The following KIRREL3 variants were observed in gnomAD, a reference collection of about 807,000 sequenced individuals.
The protein encoded by KIRREL3 is kirre like nephrin family adhesion molecule 3.
KIRREL3 carries 36 observed loss-of-function variants against 89.7 expected under a neutral mutation model. The ratio of observed to expected loss-of-function variants is 0.40; its 90% CI spans 0.31 to 0.53. The LOEUF is 0.53. KIRREL3 is among the 20% of genes least tolerant of loss of function. The probability of loss-of-function intolerance (pLI) is 0.49; values close to 1 mark genes in which losing one functional copy is unlikely to be tolerated. For synonymous variants in KIRREL3, 445 were observed against 441.4 expected, an observed-to-expected ratio of 1.01 and a Z score of -0.10; for missense variants, 864 against 1,056.6, an observed-to-expected ratio of 0.82 and a Z score of 2.53.
At chr11:126,833,448 C>G (rs1483483225) in intron 1 of KIRREL3, among the ~76,000 whole-genome samples, 1 of 152,226 alleles carries the variant, frequency 6.6e-6, no homozygotes, top group Admixed American at 6.5e-5. Flanking sequence ...ACCTGCACAC[C>G]TTTTGCTGTA....
chr11:126,558,517 T>C lies in KIRREL3; in HGVS notation c.133+4318A>G, dbSNP rs1939870238. Among the ~76,000 whole-genome samples the C allele has an allele frequency of 6.7e-6, 1 of 149,200 alleles. No individual in the cohort carries two copies. The highest frequency in any genetic ancestry group is 6.6e-5 in the Admixed American group (1 of 15,172). On this transcript the variant is annotated intron_variant, in intron 2 of 16. Transcript: ENST00000525144. The surrounding 1 kb of genome is among the most constrained non-coding windows in gnomAD (Gnocchi z 4.0). Reference sequence around the variant, plus strand: ...TGTCTGGAGCCCTGGGCTGTGGTCCTGGCTCTTCCAGCCACTTCATATGGG... The same window carrying C: ...TGTCTGGAGCCCTGGGCTGTGGTCCCGGCTCTTCCAGCCACTTCATATGGG...
intron 4 of KIRREL3, among the ~76,000 whole-genome samples, chr11:126,505,500 G>A (rs2134380173): frequency 6.6e-6 from 1 of 152,266 alleles, no homozygotes; most frequent in African/African-American, 2.4e-5. Flanking sequence ...GAACCCAGGA[G>A]GCAGAAGTTG....
intron 7 of KIRREL3, among the ~76,000 whole-genome samples, chr11:126,451,077 G>GCA (rs1956094696): frequency 6.7e-6 from 1 of 149,496 alleles, no homozygotes; most frequent in African/African-American, 2.5e-5. Context: ...GTGCATGTGT[G>GCA]TGCGTGTGTG....
chr11:126,646,799 C>T (rs1210133269), intron 1 of KIRREL3, among the ~76,000 whole-genome samples: 2 of 152,102 alleles, frequency 1.3e-5, no homozygotes, highest in East Asian at 1.9e-4. Context: ...TAATCATGAT[C>T]TATGCTGTCA....
At chr11:126,580,582 T>C (rs1469952862) in intron 1 of KIRREL3, among the ~76,000 whole-genome samples, 1 of 152,182 alleles carries the variant, frequency 6.6e-6, no homozygotes, top group Non-Finnish European at 1.5e-5. Context: ...TTTCTTCTCC[T>C]GTGATGGAGC....
intron 1 of KIRREL3, among the ~76,000 whole-genome samples, chr11:126,893,835 C>T (rs75455807): frequency 1.9e-3 from 295 of 152,310 alleles, no homozygotes; most frequent in African/African-American, 6.6e-3. Flanking sequence ...ATATTCTGGG[C>T]ATGCTTACTG....
Position 126,431,241 on chromosome 11 carries a change from C to G in KIRREL3, c.1696+178G>C. Reference sequence around the variant, plus strand: ...TCAGCCTAGCGCCCACTCTGCCAGGCGCCATGTTGCCCAGGCTCACATACA... The same window carrying G: ...TCAGCCTAGCGCCCACTCTGCCAGGGGCCATGTTGCCCAGGCTCACATACA... On this transcript the variant is annotated intron_variant, in intron 14 of 16. Transcript: ENST00000525144. This position sits in a 1 kb window ranked among gnomAD's most constrained non-coding sequence, Gnocchi z 7.1. 6.6e-7 allele frequency: 1 copy of G among 1,522,608 alleles called. No homozygotes were observed. Among genetic ancestry groups the G allele is most frequent in the Non-Finnish European group, 8.9e-7 (1 of 1,128,872 alleles). The allele number at this position is 1,522,608 out of a possible 1,614,324, so 94.3% of individuals were successfully genotyped here. A position where few individuals can be genotyped will look rare whatever the true frequency, so the allele number is the denominator to read the frequency against.
At chr11:126,449,293 G>A in intron 7 of KIRREL3, 136 bp from the exon 8 acceptor site, 2 of 944,464 alleles carry the variant, frequency 2.1e-6, no homozygotes, top group South Asian at 3.7e-5. Context: ...TCCGTCAAGG[G>A]GAATCTTCAC....
At position 126,431,601 on chromosome 11, in the gene KIRREL3, C is replaced by T; in HGVS notation, c.1589-75G>A. 1 of 1,414,852 alleles carries T rather than the reference C, an allele frequency of 7.1e-7. No homozygotes were observed. Among genetic ancestry groups the T allele is most frequent in the Non-Finnish European group, 9.7e-7 (1 of 1,028,636 alleles). 87.6% of individuals were successfully genotyped at this position (1,414,852 alleles called of 1,614,324 possible). ...TATCCCCCCATGATCTCACCCCGTT[C>T]CTGCGGGGGCAGCCCCTGCCACATG... is the stretch of plus-strand genomic sequence containing the variant. On this transcript the variant is annotated intron_variant, in intron 13 of 16. Coordinates refer to ENST00000525144, the MANE Select transcript of KIRREL3 (RefSeq NM_032531.4). This position sits in a 1 kb window ranked among gnomAD's most constrained non-coding sequence, Gnocchi z 7.1.
intron 1 of KIRREL3, among the ~76,000 whole-genome samples, chr11:126,633,027 G>T (rs1784002): frequency 0.19 from 28,298 of 151,896 alleles, 2,933 homozygotes; most frequent in South Asian, 0.44. Flanking sequence ...GGGAGGCAGA[G>T]GTTGCTCTAT....
At position 126,991,471 on chromosome 11, in the gene KIRREL3, T is replaced by TTTATTA. The variant is rs143676602; in HGVS notation, c.55+8978_55+8983dup. On this transcript the variant is annotated intron_variant, in intron 1 of 16. Coordinates refer to ENST00000525144, the MANE Select transcript of KIRREL3 (RefSeq NM_032531.4). This position sits in a 1 kb window ranked among gnomAD's most constrained non-coding sequence, Gnocchi z 5.8. Reference sequence around the variant, plus strand: ...AGTCCCTGCCTTTGCTTCCTTCCTTTTTATTATTATTATTATTATTATTTG... The same window carrying TTTATTA: ...AGTCCCTGCCTTTGCTTCCTTCCTTTTTATTATTATTATTATTATTATTATTATTTG... Among the ~76,000 whole-genome samples, 25 of 151,366 alleles carry TTTATTA rather than the reference T, an allele frequency of 1.7e-4. No homozygotes were observed. The highest frequency in any genetic ancestry group is 2.9e-4 in the Non-Finnish European group (20 of 67,846).
rs989939196 is a variant in KIRREL3, at chr11:126,462,021, C to T, written c.742+1136G>A. On this transcript the variant is annotated intron_variant, in intron 6 of 16. Transcript: ENST00000525144. This position sits in a 1 kb window ranked among gnomAD's most constrained non-coding sequence, Gnocchi z 4.8. ...CACTTTTGAGTCCTGACTCTTTAAACTGAACTAATCCAGTCTTGAGAGGAA... is the reference window on the plus strand; with the variant it reads ...CACTTTTGAGTCCTGACTCTTTAAATTGAACTAATCCAGTCTTGAGAGGAA... 6.6e-6 allele frequency among the ~76,000 whole-genome samples: 1 copy of T among 152,122 alleles called. No individual in the cohort carries two copies. The highest frequency in any genetic ancestry group is 2.4e-5 in the African/African-American group (1 of 41,416).
At position 126,651,276 on chromosome 11, in the gene KIRREL3, G is replaced by A. The variant is rs185727266; in HGVS notation, c.56-88364C>T. Among the ~76,000 whole-genome samples the A allele has an allele frequency of 1.3e-4, 20 of 152,318 alleles. No homozygotes were observed. In the East Asian group the frequency reaches 3.1e-3, roughly 24 times the overall value. ...ATTGGTGGGATGGTGCACAGTTTGC[G>A]TGTTTCACTGAGTCTTGATAATTAT... On this transcript the variant is annotated intron_variant, in intron 1 of 16. Coordinates refer to ENST00000525144, the MANE Select transcript of KIRREL3 (RefSeq NM_032531.4). The surrounding 1 kb of genome is among the most constrained non-coding windows in gnomAD (Gnocchi z 4.6).
chr11:126,425,761 TGGC>T, intron 15 of KIRREL3, 37 bp from the exon 16 acceptor site: 1 of 1,509,438 alleles, frequency 6.6e-7, no homozygotes, highest in Non-Finnish European at 9.1e-7. Flanking sequence ...AGATAGGAGG[TGGC>T]TAAACCTCCA....
rs113032634 is a variant in KIRREL3 at position 126,755,601 on chromosome 11, G to A, written c.56-192689C>T. On this transcript the variant is annotated intron_variant, in intron 1 of 16. Transcript: ENST00000525144. The surrounding 1 kb of genome is among the most constrained non-coding windows in gnomAD (Gnocchi z 4.3). ...AAAACAATAGGCCTACAATAGGAAAGGTCTGCGTGCTGACACTCTCAACTT... is the reference window on the plus strand; with the variant it reads ...AAAACAATAGGCCTACAATAGGAAAAGTCTGCGTGCTGACACTCTCAACTT... Among the ~76,000 whole-genome samples, 1 of 151,988 alleles carries A rather than the reference G, an allele frequency of 6.6e-6. No individual in the cohort carries two copies. Among genetic ancestry groups the A allele is most frequent in the Non-Finnish European group, 1.5e-5 (1 of 67,988 alleles).
chr11:126,441,482 G>A lies in KIRREL3; in HGVS notation c.1253-933C>T, dbSNP rs550763455. Among the ~76,000 whole-genome samples, 14 of 152,332 alleles carry A rather than the reference G, an allele frequency of 9.2e-5. No individual in the cohort carries two copies. The South Asian group carries it at 2.9e-3, about 32-fold the overall frequency. Reference sequence around the variant, plus strand: ...CAGCTAGCTTAGCCTGGGCTCTGCTGGCTTCCTGGCTGGGCTGGGTGGTTG... The same window carrying A: ...CAGCTAGCTTAGCCTGGGCTCTGCTAGCTTCCTGGCTGGGCTGGGTGGTTG... On this transcript the variant is annotated intron_variant, in intron 10 of 16. Transcript: ENST00000525144. This position sits in a 1 kb window ranked among gnomAD's most constrained non-coding sequence, Gnocchi z 5.0.
At chr11:126,488,626 G>A (rs570788844) in intron 4 of KIRREL3, among the ~76,000 whole-genome samples, 13 of 152,336 alleles carry the variant, frequency 8.5e-5, no homozygotes, top group Middle Eastern at 3.4e-3. Context: ...GGAAGGAGCC[G>A]CGGCTTCCAG....
chr11:126,832,116 T>C (rs1166141208), intron 1 of KIRREL3, among the ~76,000 whole-genome samples: 2 of 152,224 alleles, frequency 1.3e-5, no homozygotes, highest in Non-Finnish European at 2.9e-5. Flanking sequence ...ATGAGCCACA[T>C]GTCCCAGATT....
At chr11:126,998,992 G>T (rs1950248848) in intron 1 of KIRREL3, among the ~76,000 whole-genome samples, 3 of 139,788 alleles carry the variant, frequency 2.1e-5, no homozygotes, top group African/African-American at 8.1e-5. Context: ...CAAGAAAGAG[G>T]GTAATCTTAC....
Sources: allele counts gnomAD v4.1 joint callset (sites outside exome capture counted in the v4.1 genomes callset), GRCh38; gene constraint gnomAD v4.1.1; non-coding constraint Gnocchi (gnomAD v3.1); transcripts MANE v1.5; gene names NCBI Gene and HGNC (gene_info 2026-07-23, HGNC 2026-07-21).